BANF2: variants seen among roughly 807,000 people sequenced by gnomAD.
The protein encoded by BANF2 is BANF family member 2, also known as barrier-to-autointegration factor-like protein.
Under a neutral mutation model 8.0 loss-of-function variants are expected in BANF2, and 4 were observed. The ratio of observed to expected loss-of-function variants is 0.50; its 90% CI spans 0.25 to 1.14. The LOEUF is 1.14. BANF2 is among the 50% of genes most tolerant of loss of function. The pLI, the probability that BANF2 is intolerant of heterozygous loss-of-function variation, is 0.16. For missense variants in BANF2, 96 were observed against 107.5 expected (o/e 0.89, Z 0.47); for synonymous variants, 50 against 40.6 (o/e 1.23, Z -0.88).
intron 3 of BANF2, among the ~76,000 whole-genome samples, chr20:17,726,200 A>C (rs1411992815): frequency 6.6e-6 from 1 of 152,126 alleles, no homozygotes; most frequent in Non-Finnish European, 1.5e-5. Flanking sequence ...TTATTTATTT[A>C]TTTGAGACAG....
At chr20:17,732,115 G>A (rs927555984) in intron 3 of BANF2, among the ~76,000 whole-genome samples, 1 of 152,136 alleles carries the variant, frequency 6.6e-6, no homozygotes, top group Non-Finnish European at 1.5e-5. Flanking sequence ...AAGAAATTTA[G>A]TAAGAATTTC....
intron 1 of BANF2, 102 bp downstream of exon 1, chr20:17,700,157 C>A: frequency 3.2e-6 from 1 of 308,006 alleles, no homozygotes; most frequent in Non-Finnish European, 4.8e-6. Flanking sequence ...TTTAGATGAG[C>A]CAAACCGGTG....
At chr20:17,713,072 A>AC (rs566356131) in intron 1 of BANF2, among the ~76,000 whole-genome samples, 70 of 150,792 alleles carry the variant, frequency 4.6e-4, no homozygotes, top group African/African-American at 9.7e-4. Flanking sequence ...ACTTAGGGAG[A>AC]CCCCCCGATC....
chr20:17,724,767 T>C (rs1413080280), intron 2 of BANF2, among the ~76,000 whole-genome samples: 1 of 152,212 alleles, frequency 6.6e-6, no homozygotes, highest in African/African-American at 2.4e-5. Flanking sequence ...ACTCTTTTCG[T>C]GGAAATTTAT....
intron 2 of BANF2, among the ~76,000 whole-genome samples, chr20:17,724,314 A>G (rs1255617613): frequency 3.9e-5 from 6 of 152,242 alleles, no homozygotes; most frequent in Non-Finnish European, 5.9e-5. Context: ...AAGCTGATTT[A>G]TCTGGCTAAA....
intron 1 of BANF2, among the ~76,000 whole-genome samples, chr20:17,713,611 A>T (rs912188415): frequency 2.0e-5 from 3 of 152,216 alleles, no homozygotes; most frequent in Non-Finnish European, 2.9e-5. Context: ...AGGCAGGAGG[A>T]TTGCTTGAGG....
rs151302476 is a variant in BANF2 at position 17,710,689 on chromosome 20, C to T, written c.-167+10634C>T. ...TCCGAGGTGACTTCTGAGTGACAAG[C>T]TGCTGCAGTGATCTCCCAAGCTGTG... On this transcript the variant is annotated intron_variant, in intron 1 of 3. Transcript: ENST00000246090. Among the ~76,000 whole-genome samples the T allele has an allele frequency of 3.0e-3, 458 of 152,356 alleles. 2 individuals are homozygous for T. The highest frequency in any genetic ancestry group is 3.3e-3 in the Non-Finnish European group (225 of 68,040).
intron 1 of BANF2, chr20:17,693,756 G>C (rs1349970001): frequency 6.5e-7 from 1 of 1,545,184 alleles, no homozygotes; most frequent in Non-Finnish European, 8.8e-7. Flanking sequence ...AAGAGACGGC[G>C]GGGAAAGGAG....
chr20:17,722,546 G>A (rs549064532), intron 1 of BANF2, among the ~76,000 whole-genome samples, 170 bp from the exon 2 acceptor site: 36 of 152,318 alleles, frequency 2.4e-4, no homozygotes, highest in Admixed American at 5.2e-4. Flanking sequence ...TAACACCTGA[G>A]TTAAACACCA....
At chr20:17,719,461 C>T (rs2037699346) in intron 1 of BANF2, among the ~76,000 whole-genome samples, 2 of 151,902 alleles carry the variant, frequency 1.3e-5, no homozygotes, top group African/African-American at 4.8e-5. Context: ...AGGTCATTTA[C>T]CTTCTTAGGC....
chr20:17,710,526 G>A (rs952716543), intron 1 of BANF2, among the ~76,000 whole-genome samples: 11 of 152,154 alleles, frequency 7.2e-5, no homozygotes, highest in East Asian at 3.9e-4. Context: ...CCCCTTACTC[G>A]CCAGCTCAAT....
intron 1 of BANF2, among the ~76,000 whole-genome samples, chr20:17,705,244 A>G (rs1249148719): frequency 6.6e-6 from 1 of 152,234 alleles, no homozygotes; most frequent in East Asian, 1.9e-4. Flanking sequence ...GTGATTCTCC[A>G]TGTAAAATTG....
At chr20:17,722,906 G>A (rs927233439) in intron 2 of BANF2, 28 bp downstream of exon 2, 13 of 977,912 alleles carry the variant, frequency 1.3e-5, no homozygotes, top group African/African-American at 5.3e-5. Flanking sequence ...GACAGGAGAG[G>A]GGATGGGGCT....
chr20:17,726,417 A>G (rs2037810436), intron 3 of BANF2, among the ~76,000 whole-genome samples: 1 of 152,086 alleles, frequency 6.6e-6, no homozygotes, highest in African/African-American at 2.4e-5. Context: ...GAACTCCTGG[A>G]CTCAAGTGAT....
upstream of BANF2, among the ~76,000 whole-genome samples, chr20:17,698,170 C>G (rs779725432): frequency 6.6e-6 from 1 of 151,644 alleles, no homozygotes; most frequent in Non-Finnish European, 1.5e-5. Context: ...ATCACGCCAT[C>G]GCATTCCAAC....
intron 3 of BANF2, among the ~76,000 whole-genome samples, chr20:17,729,229 C>T (rs1159423470): frequency 6.6e-6 from 1 of 152,154 alleles, no homozygotes; most frequent in African/African-American, 2.4e-5. Context: ...GTCCCGCTGC[C>T]CCATCCCTGA....
At chr20:17,712,458 G>A (rs989823652) in intron 1 of BANF2, 12 of 898,900 alleles carry the variant, frequency 1.3e-5, no homozygotes, top group Non-Finnish European at 1.6e-5. Flanking sequence ...CAAGTCCCAT[G>A]CACCATTCCC....
At chr20:17,708,294 A>T (rs1018960186) in intron 1 of BANF2, among the ~76,000 whole-genome samples, 3 of 152,188 alleles carry the variant, frequency 2.0e-5, no homozygotes, top group Non-Finnish European at 2.9e-5. Flanking sequence ...TATGATGTCA[A>T]ATTGTATTTA....
chr20:17,716,456 C>T (rs1450379455), intron 1 of BANF2, among the ~76,000 whole-genome samples: 1 of 152,152 alleles, frequency 6.6e-6, no homozygotes, highest in Non-Finnish European at 1.5e-5. Context: ...ACCTCAGCCG[C>T]CCAAGTATCT....
Sources: gnomAD v4.1 joint callset for allele counts (sites outside exome capture counted in the v4.1 genomes callset) on GRCh38, gnomAD v4.1.1 for gene constraint, MANE v1.5 for transcripts, NCBI Gene and HGNC (gene_info 2026-07-23, HGNC 2026-07-21) for gene names.